MIER2: variants seen among roughly 807,000 people sequenced by gnomAD.
MIER2 encodes the protein mesoderm induction early response protein 2.
In MIER2, 30 loss-of-function variants were observed where a neutral mutation model predicts 67.6. The ratio of observed to expected loss-of-function variants is 0.44; its 90% CI spans 0.33 to 0.60. The LOEUF is 0.60. Among genes scored for constraint, MIER2 ranks in the 20% least tolerant of loss-of-function variants. The pLI is 0.02. For synonymous variants in MIER2, 372 were observed against 312.6 expected (o/e 1.19, Z -2.00); for missense variants, 702 against 745.1 (o/e 0.94, Z 0.67).
At chr19:328,086 GC>G in intron 3 of MIER2, 97 bp from the exon 4 acceptor site, 1 of 1,534,964 alleles carries the variant, frequency 6.5e-7, no homozygotes. Flanking sequence ...CACAACCAGG[GC>G]CACTCTGTCA....
At chr19:322,065 T>C (rs561424921) in intron 7 of MIER2, among the ~76,000 whole-genome samples, 2 of 152,062 alleles carry the variant, frequency 1.3e-5, no homozygotes, top group East Asian at 1.9e-4. Flanking sequence ...CCACCACACC[T>C]GGCTCATTTT....
intron 1 of MIER2, among the ~76,000 whole-genome samples, chr19:337,069 C>T (rs1972290764): frequency 6.6e-6 from 1 of 152,092 alleles, no homozygotes; most frequent in Admixed American, 6.6e-5. Context: ...GTCTCAAACT[C>T]TTGACCTCAA....
At chr19:311,413 G>A (rs764083118) in intron 10 of MIER2, among the ~76,000 whole-genome samples, 1 of 152,198 alleles carries the variant, frequency 6.6e-6, no homozygotes. Context: ...CTGTCATGAG[G>A]GTTTGTCCCG....
At chr19:322,374 G>C (rs537684584) in intron 7 of MIER2, among the ~76,000 whole-genome samples, 2 of 152,072 alleles carry the variant, frequency 1.3e-5, no homozygotes, top group South Asian at 2.1e-4. Flanking sequence ...TGATTGATAA[G>C]TTGGACTTTA....
rs773029696 is a variant in MIER2 at position 313,479 on chromosome 19, T to C, written c.807+13A>G. 6 of 1,608,792 alleles carry C rather than the reference T, an allele frequency of 3.7e-6. No homozygotes were observed. Among genetic ancestry groups the C allele is most frequent in the Admixed American group, 3.3e-5 (2 of 59,932 alleles). On this transcript the variant is annotated intron_variant, in intron 8 of 13. Transcript: ENST00000264819. ...GCCCTCAGCCCCTCTGTCCCCGGCATGGCAGCCCCCACCTGCTCACTGTCT... is the reference window on the plus strand; with the variant it reads ...GCCCTCAGCCCCTCTGTCCCCGGCACGGCAGCCCCCACCTGCTCACTGTCT...
Position 306,516 on chromosome 19 carries a change from G to A in MIER2, c.*174C>T. 1 of 872,046 alleles carries A rather than the reference G, an allele frequency of 1.1e-6. No homozygotes were observed. The highest frequency in any genetic ancestry group is 1.8e-6 in the Non-Finnish European group (1 of 564,376). The allele number at this position is 872,046 out of a possible 1,614,324, so 54.0% of individuals were successfully genotyped here. A position where few individuals can be genotyped will look rare whatever the true frequency, so the allele number is the denominator to read the frequency against. ...CCGTGGGTCCATTCTGTGTGGACAG[G>A]GGCAAGGGCTCACGGCCCAGCCACC... On this transcript the variant is annotated 3_prime_UTR_variant, in exon 14 of 14. Transcript: ENST00000264819.
chr19:331,215 A>G (rs1432927861), intron 3 of MIER2, among the ~76,000 whole-genome samples: 2 of 152,012 alleles, frequency 1.3e-5, no homozygotes, highest in Non-Finnish European at 2.9e-5. Flanking sequence ...CAAGTTAGCC[A>G]GGCATGGTGG....
chr19:309,829 CA>C, intron 10 of MIER2, among the ~76,000 whole-genome samples: 8 of 102,564 alleles, frequency 7.8e-5, no homozygotes, highest in African/African-American at 1.8e-4. Flanking sequence ...CGAGAAGGGA[CA>C]CACACACACA....
At position 307,510 on chromosome 19, in the gene MIER2, C is replaced by T. The variant is rs370975141; in HGVS notation, c.1225G>A (p.Gly409Ser). ...GCCACTCCGGGCTCATCGAGACCAC[C>T]GGCCGTGCCATCCACGCTCAGTGGA... ...TDPLSVDGTA[G>S]GLDEPGVASD... The change falls in exon 13 of 14, where the codon GGT becomes AGT. Residue 409 changes from glycine to serine, a missense_variant. By Grantham distance (56) the Gly-to-Ser change is moderately conservative. Coordinates refer to ENST00000264819, the MANE Select transcript of MIER2 (RefSeq NM_017550.3). 51 of 1,514,490 alleles carry T rather than the reference C, an allele frequency of 3.4e-5. No homozygotes were observed. The highest frequency in any genetic ancestry group is 5.5e-5 in the African/African-American group (4 of 72,152). The allele number at this position is 1,514,490 out of a possible 1,614,324, so 93.8% of individuals were successfully genotyped here. A position where few individuals can be genotyped will look rare whatever the true frequency, so the allele number is the denominator to read the frequency against.
intron 7 of MIER2, among the ~76,000 whole-genome samples, chr19:317,169 C>T (rs1161492819): frequency 2.6e-5 from 4 of 152,038 alleles, no homozygotes; most frequent in African/African-American, 7.2e-5. Context: ...CCGACGTGGG[C>T]GGATCACGAG....
At chr19:307,579 C>A in intron 12 of MIER2, 43 bp from the exon 13 acceptor site, 1 of 1,465,180 alleles carries the variant, frequency 6.8e-7, no homozygotes, top group Non-Finnish European at 9.0e-7. Flanking sequence ...TGCCCACAGC[C>A]GCGGATCCTG....
chr19:343,778 G>A (rs962348771), intron 1 of MIER2: 2 of 930,680 alleles, frequency 2.1e-6, no homozygotes, highest in East Asian at 1.2e-4. Flanking sequence ...CCCACTGACT[G>A]AGCACCTCGC....
intron 12 of MIER2, among the ~76,000 whole-genome samples, chr19:307,976 C>T (rs1371348904): frequency 6.7e-6 from 1 of 149,158 alleles, no homozygotes; most frequent in African/African-American, 2.5e-5. Context: ...CCGAGGTGGA[C>T]ACCCTTTGGC....
At chr19:343,383 C>A (rs558529838) in intron 1 of MIER2, among the ~76,000 whole-genome samples, 6 of 152,334 alleles carry the variant, frequency 3.9e-5, no homozygotes, top group Admixed American at 3.9e-4. Flanking sequence ...TGCCTCCGAC[C>A]CTGGAGGACA....
chr19:339,284 T>C (rs934521906), intron 1 of MIER2, among the ~76,000 whole-genome samples: 2 of 151,882 alleles, frequency 1.3e-5, no homozygotes, highest in African/African-American at 2.4e-5. Flanking sequence ...CATTGAAAAA[T>C]AGGCAAAGGA....
intron 3 of MIER2, among the ~76,000 whole-genome samples, chr19:332,121 T>C (rs1309750731): frequency 6.6e-6 from 1 of 152,158 alleles, no homozygotes; most frequent in Non-Finnish European, 1.5e-5. Flanking sequence ...TATATTAACA[T>C]GTCACTGATT....
Position 310,081 on chromosome 19 carries a change from G to A in MIER2, c.985-1156C>T, listed in dbSNP as rs529233000. Among the ~76,000 whole-genome samples the A allele has an allele frequency of 1.1e-4, 17 of 152,184 alleles. 1 individual carries two copies. Among genetic ancestry groups the A allele is most frequent in the African/African-American group, 3.6e-4 (15 of 41,446 alleles). ...ACAAGGCTTCAGGGACACGAGAAGG[G>A]ACACACAGCAAGTGTGTTCCATGTG... On this transcript the variant is annotated intron_variant, in intron 10 of 13. Coordinates refer to ENST00000264819, the MANE Select transcript of MIER2 (RefSeq NM_017550.3).
At chr19:309,021 C>A (rs1970799430) in intron 10 of MIER2, 96 bp from the exon 11 acceptor site, 8 of 1,504,486 alleles carry the variant, frequency 5.3e-6, no homozygotes, top group Non-Finnish European at 7.2e-6. Flanking sequence ...CGGGACAGCA[C>A]AGAAGGAGCA....
intron 1 of MIER2, among the ~76,000 whole-genome samples, chr19:337,649 T>C (rs1009120420): frequency 6.8e-6 from 1 of 147,858 alleles, no homozygotes; most frequent in African/African-American, 2.5e-5. Context: ...GGCGGATCCC[T>C]TGAGGTCAGG....
Sources: allele counts gnomAD v4.1 joint callset (sites outside exome capture counted in the v4.1 genomes callset), GRCh38; gene constraint gnomAD v4.1.1; transcripts MANE v1.5; gene names NCBI Gene and HGNC (gene_info 2026-07-23, HGNC 2026-07-21).